Variants in SNX24 observed in about 807,000 individuals in gnomAD.
SNX24 encodes sorting nexin 24.
Under a neutral mutation model 28.7 loss-of-function variants are expected in SNX24, and 22 were observed. The ratio of observed to expected loss-of-function variants is 0.77; its 90% CI spans 0.55 to 1.10. The LOEUF is 1.10. Among genes scored for constraint, SNX24 ranks in the 50% least tolerant of loss-of-function variants. The pLI, the probability that SNX24 is intolerant of heterozygous loss-of-function variation, is 0.00. For missense variants in SNX24, 221 were observed against 201.1 expected (o/e 1.10, Z -0.60); for synonymous variants, 69 against 71.5 (o/e 0.96, Z 0.18).
chr5:122,958,630 T>C (rs1760323658), intron 3 of SNX24, among the ~76,000 whole-genome samples: 1 of 152,184 alleles, frequency 6.6e-6, no homozygotes, highest in South Asian at 2.1e-4. Flanking sequence ...GTATATTACA[T>C]TGATTGATGC....
At chr5:122,885,095 G>A (rs1348130328) in intron 1 of SNX24, among the ~76,000 whole-genome samples, 1 of 152,194 alleles carries the variant, frequency 6.6e-6, no homozygotes, top group Non-Finnish European at 1.5e-5. Flanking sequence ...CAGAGGGCTG[G>A]CCTTGAATGG....
chr5:122,985,576 G>A lies in SNX24; in HGVS notation c.250-14336G>A, dbSNP rs980359435. On this transcript the variant is annotated intron_variant, in intron 3 of 6. Transcript: ENST00000261369. ...GAGGCCACTTAGCAAGCCATAAAAC[G>A]TTATGAAGATATTAGATGTTATTAT... 1.6e-4 allele frequency among the ~76,000 whole-genome samples: 24 copies of A among 152,296 alleles called. No homozygotes were observed. The East Asian group carries it at 1.9e-3, about 12-fold the overall frequency.
intron 3 of SNX24, among the ~76,000 whole-genome samples, chr5:122,969,900 A>G (rs1204091213): frequency 2.0e-5 from 3 of 151,658 alleles, no homozygotes; most frequent in Admixed American, 2.0e-4. Context: ...CCACCCACCC[A>G]CCTACCCCTA....
At chr5:122,863,401 TAGAG>T (rs1363683744) in intron 1 of SNX24, among the ~76,000 whole-genome samples, 2 of 151,002 alleles carry the variant, frequency 1.3e-5, no homozygotes, top group Non-Finnish European at 2.9e-5. Context: ...AGTAGGAAAA[TAGAG>T]AGTGATAAGA....
chr5:122,910,673 G>C (rs1394350555), intron 1 of SNX24, among the ~76,000 whole-genome samples: 2 of 130,078 alleles, frequency 1.5e-5, no homozygotes, highest in African/African-American at 6.0e-5. Context: ...CTGTGTCCAT[G>C]TGTTCTCATT....
chr5:122,872,660 G>A (rs1185828615), intron 1 of SNX24, among the ~76,000 whole-genome samples: 2 of 151,946 alleles, frequency 1.3e-5, no homozygotes, highest in Non-Finnish European at 2.9e-5. Context: ...CTATGTAAAG[G>A]GTTGTTATAT....
At chr5:123,026,389 T>C (rs1762853852) in intron 5 of SNX24, among the ~76,000 whole-genome samples, 1 of 152,152 alleles carries the variant, frequency 6.6e-6, no homozygotes, top group Non-Finnish European at 1.5e-5. Context: ...CTGTGACTTA[T>C]CCAGGATTGG....
intron 1 of SNX24, among the ~76,000 whole-genome samples, chr5:122,891,968 G>A (rs1034225209): frequency 6.6e-6 from 1 of 152,112 alleles, no homozygotes; most frequent in African/African-American, 2.4e-5. Flanking sequence ...AGGGTCAAAG[G>A]CATGAATTTA....
intron 1 of SNX24, 80 bp from the exon 2 acceptor site, chr5:122,936,654 T>C: frequency 2.4e-6 from 2 of 821,438 alleles, no homozygotes; most frequent in Non-Finnish European, 3.9e-6. Context: ...GGATGAAATA[T>C]ATCATGGTCA....
rs562934315 is a variant in SNX24, at chr5:122,961,754, G to A, written c.249+15595G>A. 1.2e-4 allele frequency among the ~76,000 whole-genome samples: 19 copies of A among 152,242 alleles called. No individual in the cohort carries two copies. In the South Asian group the frequency reaches 3.7e-3, roughly 30 times the overall value. ...TAATAACTTAAATCCATCATTGCTA[G>A]CAAGTGTTTTCAGATTCTGTTGTAC... is the stretch of plus-strand genomic sequence containing the variant. On this transcript the variant is annotated intron_variant, in intron 3 of 6. Transcript: ENST00000261369.
intron 1 of SNX24, among the ~76,000 whole-genome samples, chr5:122,846,388 A>G (rs905512246): frequency 2.6e-5 from 4 of 152,158 alleles, no homozygotes; most frequent in Non-Finnish European, 4.4e-5. Flanking sequence ...AGATTTCCCA[A>G]TGAATTCAAA....
intron 5 of SNX24, chr5:123,024,126 G>GT (rs1237319775): frequency 8.9e-7 from 1 of 1,123,444 alleles, no homozygotes. Flanking sequence ...TGGTTGGTTG[G>GT]TTTTTTATGA....
chr5:122,911,317 T>G (rs1757878237), intron 1 of SNX24, among the ~76,000 whole-genome samples: 1 of 152,190 alleles, frequency 6.6e-6, no homozygotes, highest in Non-Finnish European at 1.5e-5. Flanking sequence ...GATGGGGTTG[T>G]TTGTTTTTTT....
In SNX24 at chr5:122,855,601, T is replaced by G. The variant is rs148320752; in HGVS notation, c.60+9908T>G. ...TTTGAGACTAGCCTGGGCAACCTCA[T>G]GAGACCCAATCTCTATTAAAAAATA... On this transcript the variant is annotated intron_variant, in intron 1 of 6. Transcript: ENST00000261369. Among the ~76,000 whole-genome samples, 197 of 152,296 alleles carry G rather than the reference T, an allele frequency of 1.3e-3. 1 individual carries two copies. Among genetic ancestry groups the G allele is most frequent in the African/African-American group, 4.6e-3 (190 of 41,570 alleles).
At chr5:122,856,356 C>A (rs1339828543) in intron 1 of SNX24, among the ~76,000 whole-genome samples, 2 of 152,086 alleles carry the variant, frequency 1.3e-5, no homozygotes, top group East Asian at 3.8e-4. Context: ...ACCGAGATTT[C>A]TTTATCCAGT....
intron 3 of SNX24, among the ~76,000 whole-genome samples, chr5:122,987,161 G>T (rs1307637540): frequency 6.6e-6 from 1 of 152,100 alleles, no homozygotes; most frequent in African/African-American, 2.4e-5. Flanking sequence ...TGGGAGAGAG[G>T]GTGGAGGAAG....
chr5:122,853,321 G>C (rs1399586418), intron 1 of SNX24, among the ~76,000 whole-genome samples: 1 of 151,864 alleles, frequency 6.6e-6, no homozygotes, highest in African/African-American at 2.4e-5. Flanking sequence ...TAGAGACGGG[G>C]TTTCACCGTG....
intron 1 of SNX24, among the ~76,000 whole-genome samples, chr5:122,893,129 TACTC>T (rs1192420805): frequency 6.6e-6 from 1 of 151,924 alleles, no homozygotes; most frequent in Admixed American, 6.6e-5. Context: ...CTTTCCTCCT[TACTC>T]TCTTGTATTT....
At chr5:122,906,966 G>A (rs1341492964) in intron 1 of SNX24, among the ~76,000 whole-genome samples, 7 of 152,162 alleles carry the variant, frequency 4.6e-5, no homozygotes, top group Admixed American at 4.6e-4. Flanking sequence ...TCTGGGTTTG[G>A]CTACAGGCCA....
Sources: allele counts gnomAD v4.1 joint callset (sites outside exome capture counted in the v4.1 genomes callset), GRCh38; gene constraint gnomAD v4.1.1; transcripts MANE v1.5; gene names NCBI Gene and HGNC (gene_info 2026-07-23, HGNC 2026-07-21).